The following RGS6 variants were observed in gnomAD, a reference collection of about 807,000 sequenced individuals.
The protein encoded by RGS6 is regulator of G protein signaling 6.
RGS6 carries 30 observed loss-of-function variants against 78.5 expected under a neutral mutation model. That is an observed-to-expected ratio of 0.38 (90% CI 0.29 to 0.52). RGS6 has a LOEUF of 0.52. RGS6 is among the 20% of genes least tolerant of loss of function. The probability of loss-of-function intolerance (pLI) is 0.85; values close to 1 mark genes in which losing one functional copy is unlikely to be tolerated. For synonymous variants in RGS6, 206 were observed against 206.0 expected (o/e 1.00, Z 0.00); for missense variants, 495 against 609.7 (o/e 0.81, Z 1.98).
chr14:72,132,995 T>G (rs1319754107), intron 2 of RGS6, among the ~76,000 whole-genome samples: 1 of 152,202 alleles, frequency 6.6e-6, no homozygotes, highest in Non-Finnish European at 1.5e-5. Context: ...GCCATAGTTT[T>G]GTAGTGTTTC....
At chr14:72,259,674 G>A (rs1235459984) in intron 2 of RGS6, among the ~76,000 whole-genome samples, 1 of 152,040 alleles carries the variant, frequency 6.6e-6, no homozygotes, top group African/African-American at 2.4e-5. Flanking sequence ...TTGGGAGGCT[G>A]AGGCGGGTGG....
chr14:72,044,052 A>G (rs1394947125), intron 2 of RGS6, among the ~76,000 whole-genome samples: 3 of 151,906 alleles, frequency 2.0e-5, no homozygotes, highest in African/African-American at 7.3e-5. Flanking sequence ...AGCTATCTTC[A>G]AGTTCTCTGA....
chr14:72,383,507 G>A (rs1010545471), intron 3 of RGS6, among the ~76,000 whole-genome samples: 3 of 151,986 alleles, frequency 2.0e-5, no homozygotes, highest in Admixed American at 6.6e-5. Context: ...AACCTGCAAC[G>A]TGATCCATTC....
At chr14:71,997,360 C>T (rs1000521334) in intron 2 of RGS6, among the ~76,000 whole-genome samples, 1 of 152,190 alleles carries the variant, frequency 6.6e-6, no homozygotes, top group Non-Finnish European at 1.5e-5. Flanking sequence ...CAGCAGGCTT[C>T]ACCTCCAGAG....
At chr14:71,967,057 T>C (rs1241137333) in intron 2 of RGS6, among the ~76,000 whole-genome samples, 1 of 151,998 alleles carries the variant, frequency 6.6e-6, no homozygotes. Context: ...GGTTTTTACT[T>C]TTTGGTGGTA....
Position 72,478,258 on chromosome 14 carries a change from A to G in RGS6, c.793-10A>G, listed in dbSNP as rs200448672. On this transcript the variant is annotated splice_polypyrimidine_tract_variant and intron_variant, in intron 11 of 17. Transcript: ENST00000553525. ...TTTGGTCTTAACATCTGTGTTCTCT[A>G]TTTTCCCAGATAACATTTTTGAACG... 16 of 1,606,704 alleles carry G rather than the reference A, an allele frequency of 1.0e-5. No homozygotes were observed. Among genetic ancestry groups the G allele is most frequent in the African/African-American group, 4.0e-5 (3 of 74,782 alleles).
chr14:72,159,672 A>C (rs2153657781), intron 2 of RGS6, among the ~76,000 whole-genome samples: 1 of 152,270 alleles, frequency 6.6e-6, no homozygotes, highest in Non-Finnish European at 1.5e-5. Context: ...ATGTGTTTCC[A>C]GTGCTCCACA....
At chr14:71,947,309 C>T (rs1032245795) in intron 1 of RGS6, among the ~76,000 whole-genome samples, 2 of 152,188 alleles carry the variant, frequency 1.3e-5, no homozygotes, top group Non-Finnish European at 2.9e-5. Context: ...ACCTCACCCC[C>T]ATGCCTAGGG....
At chr14:72,602,679 T>G in the RGS6 span, among the ~76,000 whole-genome samples, 1 of 152,220 alleles carries the variant, frequency 6.6e-6, no homozygotes, top group South Asian at 2.1e-4. Flanking sequence ...TTTCCTGACT[T>G]CCATTATGTA....
At chr14:72,178,424 T>A (rs766973033) in intron 2 of RGS6, among the ~76,000 whole-genome samples, 3 of 152,222 alleles carry the variant, frequency 2.0e-5, no homozygotes, top group Non-Finnish European at 4.4e-5. Flanking sequence ...TCTCCTCCTA[T>A]CCTGAGACGT....
At chr14:71,971,499 C>T (rs369017375) in intron 2 of RGS6, among the ~76,000 whole-genome samples, 7 of 152,142 alleles carry the variant, frequency 4.6e-5, no homozygotes, top group Middle Eastern at 3.4e-3. Context: ...CTTCTGGGTC[C>T]GGACATCCTT....
the RGS6 span, among the ~76,000 whole-genome samples, chr14:72,581,077 A>G: frequency 6.6e-6 from 1 of 152,172 alleles, no homozygotes; most frequent in African/African-American, 2.4e-5. Flanking sequence ...AGGCTGTCCA[A>G]GGGGAATCAA....
At chr14:72,372,521 T>C (rs1317771955) in intron 3 of RGS6, among the ~76,000 whole-genome samples, 2 of 152,216 alleles carry the variant, frequency 1.3e-5, no homozygotes, top group Non-Finnish European at 2.9e-5. Context: ...TTTGAGCTTA[T>C]CACTGATGGC....
At chr14:72,434,980 A>G (rs537644470) in intron 3 of RGS6, among the ~76,000 whole-genome samples, 6 of 152,320 alleles carry the variant, frequency 3.9e-5, no homozygotes, top group Admixed American at 1.3e-4. Context: ...TTTAGAGACC[A>G]AAAGTCTGAC....
chr14:72,313,971 G>A (rs1595686816), intron 2 of RGS6, among the ~76,000 whole-genome samples: 1 of 152,020 alleles, frequency 6.6e-6, no homozygotes, highest in East Asian at 1.9e-4. Flanking sequence ...CCTTTTCTGT[G>A]CCCTTATGTC....
chr14:72,542,375 T>C lies in RGS6; in HGVS notation c.1422+2281T>C, dbSNP rs566228785. Among the ~76,000 whole-genome samples, 3 of 152,360 alleles carry C rather than the reference T, an allele frequency of 2.0e-5. No individual in the cohort carries two copies. The South Asian group carries it at 6.2e-4, about 32-fold the overall frequency. On this transcript the variant is annotated intron_variant, in intron 17 of 17. Transcript: ENST00000553525. Reference sequence around the variant, plus strand: ...GTCTCATCAAACAGAACTAACTAACTGATCAACCAATATGCCTTGCAATTT... The same window carrying C: ...GTCTCATCAAACAGAACTAACTAACCGATCAACCAATATGCCTTGCAATTT...
intron 14 of RGS6, among the ~76,000 whole-genome samples, chr14:72,514,531 C>A (rs1314328805): frequency 1.3e-5 from 2 of 152,236 alleles, no homozygotes; most frequent in Non-Finnish European, 1.5e-5. Context: ...CACTGCTTCG[C>A]CCCAGTGGTA....
intron 13 of RGS6, among the ~76,000 whole-genome samples, chr14:72,506,860 G>A (rs1311737540): frequency 6.6e-6 from 1 of 151,814 alleles, no homozygotes; most frequent in Non-Finnish European, 1.5e-5. Context: ...TATAAGAAGA[G>A]AAAGCAGGCT....
intron 17 of RGS6, chr14:72,547,434 G>T (rs2097425106): frequency 1.0e-6 from 1 of 995,264 alleles, no homozygotes; most frequent in African/African-American, 1.7e-5. Context: ...AACAGGGGAT[G>T]CTTCCCCCTT....
Sources: gnomAD v4.1 joint callset for allele counts (sites outside exome capture counted in the v4.1 genomes callset) on GRCh38, gnomAD v4.1.1 for gene constraint, MANE v1.5 for transcripts, NCBI Gene and HGNC (gene_info 2026-07-23, HGNC 2026-07-21) for gene names.